Variants in SHOC1 observed in about 807,000 individuals in gnomAD.
SHOC1 encodes the protein shortage in chiasmata 1.
A neutral mutation model predicts 179.2 loss-of-function variants in SHOC1; 136 were observed. The ratio of observed to expected loss-of-function variants is 0.76; its 90% CI spans 0.66 to 0.87. The LOEUF (loss-of-function observed/expected upper bound fraction) is 0.87. Ranked by LOEUF, SHOC1 falls within the 40% of genes least tolerant of loss-of-function variation. The pLI is 0.00. For synonymous variants in SHOC1, 489 were observed against 586.6 expected (o/e 0.83, Z 2.41); for missense variants, 1,538 against 1,700.8 (o/e 0.90, Z 1.68).
chr9:111,746,357 A>C lies in SHOC1; in HGVS notation c.971-15T>G, dbSNP rs781439238. 2 of 1,509,916 alleles carry C rather than the reference A, an allele frequency of 1.3e-6. No individual in the cohort carries two copies. Among genetic ancestry groups the C allele is most frequent in the South Asian group, 2.3e-5 (2 of 88,822 alleles). 93.5% of individuals were successfully genotyped at this position (1,509,916 alleles called of 1,614,324 possible). On this transcript the variant is annotated splice_polypyrimidine_tract_variant and intron_variant, in intron 9 of 27. Coordinates refer to ENST00000682961, the MANE Select transcript of SHOC1 (RefSeq NM_001378211.1). Reference sequence around the variant, plus strand: ...TTCTAACTCTCCTGGAATATATGAAAATTAAAGTTATGTAAACATTGAATA... The same window carrying C: ...TTCTAACTCTCCTGGAATATATGAACATTAAAGTTATGTAAACATTGAATA...
chr9:111,702,247 T>C (rs368114842), intron 22 of SHOC1, 21 bp from the exon 23 acceptor site: 256 of 1,343,976 alleles, frequency 1.9e-4, no homozygotes, highest in Non-Finnish European at 2.5e-4. Flanking sequence ...ATAAAGAAAA[T>C]GTAAAAATTC....
At position 111,761,753 on chromosome 9, in the gene SHOC1, G is replaced by A. The variant is rs1835148474; in HGVS notation, c.443-2905C>T. On this transcript the variant is annotated intron_variant, in intron 5 of 27. Coordinates refer to ENST00000682961, the MANE Select transcript of SHOC1 (RefSeq NM_001378211.1). ...TTCACAAAACAAAAAGATGCAGATGGCCAATAAAGACCAGTAATTCTATTA... is the reference window on the plus strand; with the variant it reads ...TTCACAAAACAAAAAGATGCAGATGACCAATAAAGACCAGTAATTCTATTA... Among the ~76,000 whole-genome samples the A allele has an allele frequency of 4.6e-5, 7 of 152,026 alleles. No homozygotes were observed. The South Asian group carries it at 1.5e-3, about 32-fold the overall frequency.
chr9:111,687,006 C>T (rs891406704), intron 27 of SHOC1, 136 bp from the exon 28 acceptor site: 9 of 438,480 alleles, frequency 2.1e-5, no homozygotes, highest in African/African-American at 8.7e-5. Flanking sequence ...AGTGTAGTGG[C>T]GCAATCTCGG....
At chr9:111,775,255 G>A (rs776088895) in intron 5 of SHOC1, among the ~76,000 whole-genome samples, 11 of 151,924 alleles carry the variant, frequency 7.2e-5, no homozygotes, top group Admixed American at 1.3e-4. Context: ...TTGGCCTCCC[G>A]AAGTGCTGGG....
At chr9:111,761,825 A>C (rs964442903) in intron 5 of SHOC1, among the ~76,000 whole-genome samples, 5 of 152,172 alleles carry the variant, frequency 3.3e-5, no homozygotes, top group African/African-American at 1.2e-4. Flanking sequence ...ATCACCAGTA[A>C]TTTTAAAGAT....
rs985871399 is a variant in SHOC1, at chr9:111,737,909, G to A, written c.1417+371C>T. The A allele has an allele frequency of 1.6e-5, 4 of 244,676 alleles. 1 individual carries two copies. Among genetic ancestry groups the A allele is most frequent in the Non-Finnish European group, 3.1e-5 (4 of 129,442 alleles). 15.2% of individuals were successfully genotyped at this position (244,676 alleles called of 1,614,324 possible). ...TATTATTGAATGCTAATGTTCAGCT[G>A]TTAGGTCAAAAAACAGTTACTGCAA... On this transcript the variant is annotated intron_variant, in intron 12 of 27. Coordinates refer to ENST00000682961, the MANE Select transcript of SHOC1 (RefSeq NM_001378211.1).
At chr9:111,744,068 CAT>C (rs1834156352) in intron 10 of SHOC1, among the ~76,000 whole-genome samples, 2 of 152,072 alleles carry the variant, frequency 1.3e-5, no homozygotes, top group Non-Finnish European at 1.5e-5. Context: ...TAACAATAGA[CAT>C]ATAACTTGTG....
intron 3 of SHOC1, among the ~76,000 whole-genome samples, chr9:111,785,009 T>G (rs1282092040): frequency 6.6e-6 from 1 of 152,244 alleles, no homozygotes; most frequent in African/African-American, 2.4e-5. Context: ...CTCACTGTTA[T>G]GGCCTACAAA....
intron 20 of SHOC1, among the ~76,000 whole-genome samples, chr9:111,705,842 T>C (rs1380843933): frequency 6.6e-6 from 1 of 151,996 alleles, no homozygotes; most frequent in Admixed American, 6.6e-5. Context: ...AAAGAATAAA[T>C]ACCTCAATAG....
At position 111,785,981 on chromosome 9, in the gene SHOC1, A is replaced by G; in HGVS notation, c.100T>C (p.Cys34Arg). Residue 34 changes from cysteine to arginine, a missense_variant, in exon 3 of 28, where the codon TGT becomes CGT. By Grantham distance (180) the Cys-to-Arg change is radical (BLOSUM62 -3). Transcript: ENST00000682961. ...RDALLLRIPSCLYQDESYHVA... is the reference protein window; with the variant it reads ...RDALLLRIPSRLYQDESYHVA... ...TGGTAACTTTCATCTTGATATAAAC[A>G]TGAAGGGATTCGAAGCAATAAAGCA... The G allele has an allele frequency of 6.5e-7, 1 of 1,529,138 alleles. No individual in the cohort carries two copies. Among genetic ancestry groups the G allele is most frequent in the Non-Finnish European group, 8.8e-7 (1 of 1,138,000 alleles). The allele number at this position is 1,529,138 out of a possible 1,614,324, so 94.7% of individuals were successfully genotyped here.
chr9:111,748,346 T>TTCTC, intron 8 of SHOC1, 147 bp from the exon 9 acceptor site: 1 of 600,612 alleles, frequency 1.7e-6, no homozygotes, highest in Non-Finnish European at 2.9e-6. Flanking sequence ...AGATTTATAC[T>TTCTC]TCTGAAGAAA....
At chr9:111,789,490 T>A (rs972316907) in intron 2 of SHOC1, among the ~76,000 whole-genome samples, 2 of 152,196 alleles carry the variant, frequency 1.3e-5, no homozygotes, top group Non-Finnish European at 2.9e-5. Context: ...TAAGTTTTTT[T>A]AAGTTTTTTT....
At chr9:111,754,976 C>A (rs1487960229) in intron 8 of SHOC1, among the ~76,000 whole-genome samples, 2 of 152,152 alleles carry the variant, frequency 1.3e-5, no homozygotes, top group Non-Finnish European at 2.9e-5. Flanking sequence ...TAGCAGGCAA[C>A]TTTATTGCTG....
chr9:111,709,405 C>A lies in SHOC1; in HGVS notation c.2489-1481G>T, dbSNP rs373896187. On this transcript the variant is annotated intron_variant, in intron 18 of 27. Coordinates refer to ENST00000682961, the MANE Select transcript of SHOC1 (RefSeq NM_001378211.1). ...TAAATGATTGTATTCGCTATGATCC[C>A]AAAGCAGATTAATTACTTGGTAAGT... Among the ~76,000 whole-genome samples, 22 of 152,158 alleles carry A rather than the reference C, an allele frequency of 1.4e-4. 1 individual carries two copies. The East Asian group carries it at 3.1e-3, about 21-fold the overall frequency.
intron 12 of SHOC1, among the ~76,000 whole-genome samples, chr9:111,737,659 CAAA>C: frequency 1.1e-5 from 1 of 91,610 alleles, no homozygotes; most frequent in Non-Finnish European, 2.4e-5. Flanking sequence ...GACTATGTCT[CAAA>C]ACAAACAAAC....
At chr9:111,744,174 C>A (rs1834159602) in intron 10 of SHOC1, among the ~76,000 whole-genome samples, 1 of 149,894 alleles carries the variant, frequency 6.7e-6, no homozygotes, top group African/African-American at 2.4e-5. Context: ...TCTAAAAATG[C>A]CAGTCTGTCA....
rs368468111 is a variant in SHOC1, at chr9:111,760,391, C to T, written c.443-1543G>A. Among the ~76,000 whole-genome samples, 9 of 152,186 alleles carry T rather than the reference C, an allele frequency of 5.9e-5. No homozygotes were observed. In the East Asian group the frequency reaches 1.2e-3, roughly 20 times the overall value. On this transcript the variant is annotated intron_variant, in intron 5 of 27. Coordinates refer to ENST00000682961, the MANE Select transcript of SHOC1 (RefSeq NM_001378211.1). ...TACTACAGCTAATACATGTACTATA[C>T]AGATATAAGGAGACTGTTTTCTTCT...
In SHOC1 at chr9:111,691,933, T is replaced by G; in HGVS notation, c.4044A>C (p.Ser1348=). Residue 1348 remains serine, a synonymous_variant, in exon 27 of 28, where the codon TCA becomes TCC. Coordinates refer to ENST00000682961, the MANE Select transcript of SHOC1 (RefSeq NM_001378211.1). ...GAAGAGGAGATTGAGTGCCCTCTAGTGAAAAGATAGGGTCCGATACATCTT... is the reference window on the plus strand; with the variant it reads ...GAAGAGGAGATTGAGTGCCCTCTAGGGAAAAGATAGGGTCCGATACATCTT... ...INKDVSDPIF[S]LEGTQSPLHW... is the part of the protein sequence containing the mutation. 6.2e-7 allele frequency: 1 copy of G among 1,613,884 alleles called. No individual in the cohort carries two copies.
At chr9:111,774,403 A>G (rs1275882898) in intron 5 of SHOC1, among the ~76,000 whole-genome samples, 1 of 152,124 alleles carries the variant, frequency 6.6e-6, no homozygotes, top group Non-Finnish European at 1.5e-5. Context: ...GGTTCAAGCA[A>G]TCTTCCCACT....
Sources: allele counts gnomAD v4.1 joint callset (sites outside exome capture counted in the v4.1 genomes callset), GRCh38; gene constraint gnomAD v4.1.1; transcripts MANE v1.5; gene names NCBI Gene and HGNC (gene_info 2026-07-23, HGNC 2026-07-21).